Variants in SPAG7 observed in about 807,000 individuals in gnomAD.
SPAG7 encodes the protein sperm associated antigen 7, also known as sperm-associated antigen 7.
SPAG7 carries 20 observed loss-of-function variants against 30.6 expected under a neutral mutation model. The ratio of observed to expected loss-of-function variants is 0.65; its 90% CI spans 0.46 to 0.95. The LOEUF (loss-of-function observed/expected upper bound fraction) is 0.95, where lower values mean the gene tolerates loss of function less well. SPAG7 is among the 40% of genes least tolerant of loss of function. The probability of loss-of-function intolerance (pLI) is 0.00; values close to 1 mark genes in which losing one functional copy is unlikely to be tolerated. For synonymous variants in SPAG7, 127 were observed against 104.2 expected (o/e 1.22, Z -1.33); for missense variants, 276 against 291.1 (o/e 0.95, Z 0.38).
At chr17:4,967,440 T>C (rs1008962557) in intron 1 of SPAG7, among the ~76,000 whole-genome samples, 2 of 152,110 alleles carry the variant, frequency 1.3e-5, no homozygotes, top group Non-Finnish European at 2.9e-5. Context: ...TCAGACCAGG[T>C]CAGCAGCGGA....
At chr17:4,965,848 T>TTATC (rs571461910) in intron 1 of SPAG7, 9,101 of 144,170 alleles carry the variant, frequency 0.063, 337 homozygotes, top group Middle Eastern at 0.14. Context: ...ATTTATTTAT[T>TTATC]TATCTATTTA....
At position 4,959,425 on chromosome 17, in the gene SPAG7, T is replaced by TAGGA. The variant is rs1971819759; in HGVS notation, c.*105_*108dup. ...TTCCCCCAGCCTGAGGGACAGCTGGTAGGAGGTGGTTCAGAGGTGGGGCTC... is the reference window on the plus strand; with the variant it reads ...TTCCCCCAGCCTGAGGGACAGCTGGTAGGAAGGAGGTGGTTCAGAGGTGGGGCTC... On this transcript the variant is annotated 3_prime_UTR_variant, in exon 7 of 7. Coordinates refer to ENST00000206020, the MANE Select transcript of SPAG7 (RefSeq NM_004890.3). The TAGGA allele has an allele frequency of 2.1e-5, 17 of 801,176 alleles. No individual in the cohort carries two copies. In the South Asian group the frequency reaches 2.4e-4, roughly 12 times the overall value. 49.6% of individuals were successfully genotyped at this position (801,176 alleles called of 1,614,324 possible). A position where few individuals can be genotyped will look rare whatever the true frequency, so the allele number is the denominator to read the frequency against.
Position 4,960,969 on chromosome 17 carries a change from A to G in SPAG7, c.86-116T>C, listed in dbSNP as rs149429729. 2,171 of 835,290 alleles carry G rather than the reference A, an allele frequency of 2.6e-3. 9 individuals carry two copies. Among genetic ancestry groups the G allele is most frequent in the Non-Finnish European group, 3.6e-3 (1,782 of 500,756 alleles). The allele number at this position is 835,290 out of a possible 1,614,324, so 51.7% of individuals were successfully genotyped here. On this transcript the variant is annotated intron_variant, in intron 1 of 6. Coordinates refer to ENST00000206020, the MANE Select transcript of SPAG7 (RefSeq NM_004890.3). ...GGAGGTGTCAGGCTGGGAAGGTAGG[A>G]TTAGCGTTTATTCATCAAGCATTTA...
At chr17:4,965,784 G>A (rs1343443900) in intron 1 of SPAG7, 3 of 152,076 alleles carry the variant, frequency 2.0e-5, no homozygotes, top group Admixed American at 6.6e-5. Flanking sequence ...TCAGCCTCCC[G>A]AGAATTGGGA....
rs201662286 is a variant in SPAG7, at chr17:4,960,072, G to A, written c.367C>T (p.Arg123Cys). The A allele has an allele frequency of 7.6e-5, 123 of 1,614,150 alleles. No homozygotes were observed. Among genetic ancestry groups the A allele is most frequent in the Admixed American group, 7.3e-4 (44 of 60,028 alleles). ...TTCTGGGGGTCCCATTCCTCTCCAC[G>A]ACGGTAAGAGTCTAGCTCTTCATCT... ...PSDEELDSYR[R>C]GEEWDPQKAE... The change falls in exon 5 of 7, where the codon CGT (arginine) becomes TGT (cysteine). Residue 123 changes from arginine to cysteine, a missense_variant. Coordinates refer to ENST00000206020, the MANE Select transcript of SPAG7 (RefSeq NM_004890.3).
intron 2 of SPAG7, 110 bp downstream of exon 2, chr17:4,960,676 G>T: frequency 7.3e-7 from 1 of 1,373,462 alleles, no homozygotes; most frequent in Non-Finnish European, 1.0e-6. Flanking sequence ...TGGCTTCCAT[G>T]CGTCACCTCT....
At position 4,960,056 on chromosome 17, in the gene SPAG7, T is replaced by C. The variant is rs1223416147; in HGVS notation, c.383A>G (p.Asp128Gly). The C allele has an allele frequency of 6.2e-7, 1 of 1,613,894 alleles. No homozygotes were observed. The highest frequency in any genetic ancestry group is 8.5e-7 in the Non-Finnish European group (1 of 1,180,006). The change falls in exon 5 of 7, where the codon GAC becomes GGC. Residue 128 changes from aspartate (D) to glycine (G), a missense_variant. Coordinates refer to ENST00000206020, the MANE Select transcript of SPAG7 (RefSeq NM_004890.3). ...LDSYRRGEEW[D>G]PQKAEEKRKL... ...CCGCTTCTCCTCAGCCTTCTGGGGGTCCCATTCCTCTCCACGACGGTAAGA... is the reference window on the plus strand; with the variant it reads ...CCGCTTCTCCTCAGCCTTCTGGGGGCCCCATTCCTCTCCACGACGGTAAGA...
intron 1 of SPAG7, chr17:4,967,083 A>G: frequency 1.0e-6 from 1 of 985,664 alleles, no homozygotes. Flanking sequence ...GACAGTGGCC[A>G]ATCGGACCCG....
At chr17:4,960,674 A>T in intron 2 of SPAG7, 112 bp downstream of exon 2, 1 of 1,369,960 alleles carries the variant, frequency 7.3e-7, no homozygotes, top group Non-Finnish European at 1.0e-6. Context: ...ACTGGCTTCC[A>T]TGCGTCACCT....
intron 1 of SPAG7, among the ~76,000 whole-genome samples, chr17:4,961,118 C>A (rs1456737362): frequency 6.6e-6 from 1 of 152,164 alleles, no homozygotes; most frequent in Non-Finnish European, 1.5e-5. Flanking sequence ...TCTATACATA[C>A]ATGCCTATGA....
intron 1 of SPAG7, among the ~76,000 whole-genome samples, chr17:4,961,348 T>C (rs1228936118): frequency 6.6e-6 from 1 of 150,574 alleles, no homozygotes; most frequent in Non-Finnish European, 1.5e-5. Flanking sequence ...TTCCAGCTAC[T>C]GGGGAGGCTG....
At chr17:4,967,265 T>C in intron 1 of SPAG7, 1 of 997,352 alleles carries the variant, frequency 1.0e-6, no homozygotes, top group Non-Finnish European at 1.2e-6. Context: ...ATTCGCAGGC[T>C]GGGGTGGTTT....
At chr17:4,964,393 G>C (rs534007433) in intron 1 of SPAG7, among the ~76,000 whole-genome samples, 3 of 123,358 alleles carry the variant, frequency 2.4e-5, no homozygotes, top group South Asian at 2.4e-4. Flanking sequence ...ACGGAGTCTC[G>C]CTCTGTCGCC....
At chr17:4,966,607 T>G in intron 1 of SPAG7, 1 of 985,436 alleles carries the variant, frequency 1.0e-6, no homozygotes, top group Non-Finnish European at 1.2e-6. Context: ...GAATTACCTG[T>G]TCTGATCTCG....
intron 1 of SPAG7, among the ~76,000 whole-genome samples, chr17:4,964,047 G>A (rs980617716): frequency 1.3e-5 from 2 of 152,124 alleles, no homozygotes; most frequent in Non-Finnish European, 2.9e-5. Flanking sequence ...GAGAGGCCGA[G>A]GTGGGAGGAT....
At position 4,960,174 on chromosome 17, in the gene SPAG7, G is replaced by T. The variant is rs145833487; in HGVS notation, c.327+60C>A. 20,279 of 1,600,378 alleles carry T rather than the reference G, an allele frequency of 0.013. 186 individuals are homozygous for T. The highest frequency in any genetic ancestry group is 0.017 in the Middle Eastern group (103 of 6,038). On this transcript the variant is annotated intron_variant, in intron 4 of 6. Transcript: ENST00000206020. The stretch of plus-strand genomic sequence containing the variant: ...AAATGTTTCATTTCATTCCTTGGTC[G>T]GGGAGGGGGGATAAGGCTACAAAGG...
chr17:4,960,079 A>C lies in SPAG7; in HGVS notation c.360T>G (p.Ser120=). The change falls in exon 5 of 7, where the codon TCT becomes TCG. Residue 120 remains serine, a synonymous_variant. Transcript: ENST00000206020. ...EFAPSDEELD[S]YRRGEEWDPQ... is the part of the protein sequence containing the mutation. ...GGTCCCATTCCTCTCCACGACGGTA[A>C]GAGTCTAGCTCTTCATCTGAGGGTG... is the stretch of plus-strand genomic sequence containing the variant. The C allele has an allele frequency of 6.2e-7, 1 of 1,614,176 alleles. No homozygotes were observed. The highest frequency in any genetic ancestry group is 8.5e-7 in the Non-Finnish European group (1 of 1,179,982).
chr17:4,966,907 A>G (rs374600106), intron 1 of SPAG7: 1 of 985,536 alleles, frequency 1.0e-6, no homozygotes. Flanking sequence ...TCCGTGGTCA[A>G]GGTCCGCAGG....
rs1971848823 is a variant in SPAG7, at chr17:4,960,778, G to A, written c.153+8C>T. The A allele has an allele frequency of 6.2e-7, 1 of 1,613,010 alleles. No individual in the cohort carries two copies. Among genetic ancestry groups the A allele is most frequent in the East Asian group, 2.2e-5 (1 of 44,882 alleles). On this transcript the variant is annotated splice_region_variant and intron_variant, in intron 2 of 6. Transcript: ENST00000206020. ...GAGTCTGCCTTTGATCACTCCAGTT[G>A]TTCTCACCCTTTTACGAAACTCCAC... is the stretch of plus-strand genomic sequence containing the variant.
Sources: gnomAD v4.1 joint callset for allele counts (sites outside exome capture counted in the v4.1 genomes callset) on GRCh38, gnomAD v4.1.1 for gene constraint, MANE v1.5 for transcripts, NCBI Gene and HGNC (gene_info 2026-07-23, HGNC 2026-07-21) for gene names.